Variants in ZBTB44 observed in about 807,000 individuals in gnomAD.
ZBTB44 encodes the protein zinc finger and BTB domain-containing protein 44.
In ZBTB44, 15 loss-of-function variants were observed where a neutral mutation model predicts 54.0. That is an observed-to-expected ratio of 0.28 (90% CI 0.19 to 0.43). The LOEUF (loss-of-function observed/expected upper bound fraction) is 0.43. Among genes scored for constraint, ZBTB44 ranks in the 20% least tolerant of loss-of-function variants. The pLI is 1.00. For synonymous variants in ZBTB44, 230 were observed against 250.1 expected (o/e 0.92, Z 0.76); for missense variants, 487 against 707.1 (o/e 0.69, Z 3.53).
At chr11:130,241,208 G>GA (rs1954348620) in intron 2 of ZBTB44, among the ~76,000 whole-genome samples, 1 of 152,196 alleles carries the variant, frequency 6.6e-6, no homozygotes, top group Non-Finnish European at 1.5e-5. Flanking sequence ...AAAGACTTAG[G>GA]AATGGAGGTG....
chr11:130,310,735 G>GT (rs941400825), intron 1 of ZBTB44, among the ~76,000 whole-genome samples: 23 of 151,286 alleles, frequency 1.5e-4, no homozygotes, highest in East Asian at 7.8e-4. Context: ...TCCAAATATA[G>GT]TTTTTTTTTG....
rs752709987 is a variant in ZBTB44, at chr11:130,260,944, A to T, written c.930T>A (p.Ser310=). 1 of 1,614,012 alleles carries T rather than the reference A, an allele frequency of 6.2e-7. No homozygotes were observed. The highest frequency in any genetic ancestry group is 1.1e-5 in the South Asian group (1 of 91,084). The change falls in exon 2 of 8, where the codon TCT becomes TCA. Residue 310 remains serine, a synonymous_variant. Coordinates refer to ENST00000357899, the MANE Select transcript of ZBTB44 (RefSeq NM_001301098.2). ...TCTGCTGATCACTCAGCGAACTCTGAGATGCACTGACAGGCTGGGACACTT... is the reference window on the plus strand; with the variant it reads ...TCTGCTGATCACTCAGCGAACTCTGTGATGCACTGACAGGCTGGGACACTT... ...HEEVSQPVSA[S]QSSLSDQQTV...
intron 2 of ZBTB44, among the ~76,000 whole-genome samples, chr11:130,240,379 ACC>A (rs1565645789): frequency 2.0e-5 from 3 of 152,096 alleles, no homozygotes; most frequent in Non-Finnish European, 4.4e-5. Flanking sequence ...TTAAAGAAAA[ACC>A]ACATGTAAGA....
At chr11:130,296,453 C>A (rs1277382802) in intron 1 of ZBTB44, 2 of 1,219,792 alleles carry the variant, frequency 1.6e-6, no homozygotes, top group Non-Finnish European at 2.3e-6. Flanking sequence ...CCACATTCTT[C>A]CAGTTCTGCA....
At chr11:130,307,386 C>T (rs1053192099) in intron 1 of ZBTB44, among the ~76,000 whole-genome samples, 2 of 149,700 alleles carry the variant, frequency 1.3e-5, no homozygotes, top group Non-Finnish European at 2.9e-5. Flanking sequence ...GATCGTGCCA[C>T]TGCACTCCAG....
chr11:130,296,456 G>A (rs1592059185), intron 1 of ZBTB44: 25 of 1,195,278 alleles, frequency 2.1e-5, no homozygotes, highest in Non-Finnish European at 2.7e-5. Context: ...CATTCTTCCA[G>A]TTCTGCAACA....
intron 1 of ZBTB44, among the ~76,000 whole-genome samples, chr11:130,267,182 T>C (rs1005987516): frequency 6.6e-6 from 1 of 151,964 alleles, no homozygotes; most frequent in Non-Finnish European, 1.5e-5. Flanking sequence ...GAGGACTGCA[T>C]GAGCTTGGGA....
intron 1 of ZBTB44, among the ~76,000 whole-genome samples, chr11:130,275,942 A>G (rs1940032700): frequency 6.7e-6 from 1 of 149,726 alleles, no homozygotes; most frequent in South Asian, 2.3e-4. Context: ...ATTAAAATCT[A>G]TTGGCCAGGT....
chr11:130,234,358 A>C (rs12789105), intron 5 of ZBTB44, 85 bp from the exon 6 acceptor site: 117,813 of 1,328,156 alleles, frequency 0.089, 5,868 homozygotes, highest in Non-Finnish European at 0.1. Context: ...TGATTTATAC[A>C]ACAAAATTGG....
intron 2 of ZBTB44, among the ~76,000 whole-genome samples, chr11:130,259,706 GA>G (rs1938712631): frequency 6.8e-6 from 1 of 146,096 alleles, no homozygotes; most frequent in Non-Finnish European, 1.5e-5. Context: ...CACAAGAACA[GA>G]AAACCAAACA....
chr11:130,245,110 ATG>A (rs1477675496), intron 2 of ZBTB44, among the ~76,000 whole-genome samples: 9 of 152,288 alleles, frequency 5.9e-5, no homozygotes, highest in Non-Finnish European at 1.3e-4. Flanking sequence ...ACGCAGGACT[ATG>A]TGTGTTTACA....
intron 1 of ZBTB44, among the ~76,000 whole-genome samples, chr11:130,276,633 C>T (rs778684120): frequency 1.3e-5 from 2 of 151,898 alleles, no homozygotes; most frequent in African/African-American, 4.8e-5. Context: ...TAGGGTTTTA[C>T]CATGATGGCC....
At chr11:130,258,542 T>TA (rs1231340609) in intron 2 of ZBTB44, among the ~76,000 whole-genome samples, 3 of 152,364 alleles carry the variant, frequency 2.0e-5, no homozygotes, top group African/African-American at 7.2e-5. Context: ...AATCCAAGCT[T>TA]ACTTGGCCTA....
At chr11:130,275,300 G>C (rs1487797909) in intron 1 of ZBTB44, among the ~76,000 whole-genome samples, 1 of 152,044 alleles carries the variant, frequency 6.6e-6, no homozygotes, top group African/African-American at 2.4e-5. Flanking sequence ...TGTTTGTAAT[G>C]TCGTATCTTC....
intron 5 of ZBTB44, 119 bp from the exon 6 acceptor site, chr11:130,234,392 C>T: frequency 1.8e-6 from 2 of 1,106,132 alleles, no homozygotes; most frequent in Non-Finnish European, 2.5e-6. Flanking sequence ...ACTAATTGTT[C>T]AGTGAAGATT....
chr11:130,229,338 A>AAC lies in ZBTB44; in HGVS notation c.*2424_*2425dup, dbSNP rs1393649101. The AAC allele has an allele frequency of 6.6e-6, 1 of 152,166 alleles. No individual in the cohort carries two copies. Among genetic ancestry groups the AAC allele is most frequent in the Non-Finnish European group, 1.5e-5 (1 of 68,016 alleles). 9.4% of individuals were successfully genotyped at this position (152,166 alleles called of 1,614,324 possible). A position where few individuals can be genotyped will look rare whatever the true frequency, so the allele number is the denominator to read the frequency against. On this transcript the variant is annotated 3_prime_UTR_variant, in exon 8 of 8. Coordinates refer to ENST00000357899, the MANE Select transcript of ZBTB44 (RefSeq NM_001301098.2). The stretch of plus-strand genomic sequence containing the variant: ...TTCATCCCATAACTGACACAGGCTT[A>AAC]ACCCCCCATAAATATTACAACATCT...
rs544049538 is a variant in ZBTB44, at chr11:130,233,631, G to A, written c.1687-249C>T. Reference sequence around the variant, plus strand: ...AGCTGTTTAGTAATTAGTTTCTCATGTACCCTCTTGTCTCAAGAAGGTCAA... The same window carrying A: ...AGCTGTTTAGTAATTAGTTTCTCATATACCCTCTTGTCTCAAGAAGGTCAA... On this transcript the variant is annotated intron_variant, in intron 6 of 7. Transcript: ENST00000357899. The A allele has an allele frequency of 3.2e-5, 41 of 1,263,152 alleles. No individual in the cohort carries two copies. In the African/African-American group the frequency reaches 5.6e-4, roughly 17 times the overall value. The allele number at this position is 1,263,152 out of a possible 1,614,324, so 78.2% of individuals were successfully genotyped here. A position where few individuals can be genotyped will look rare whatever the true frequency, so the allele number is the denominator to read the frequency against.
At chr11:130,265,540 G>A (rs779152520) in intron 1 of ZBTB44, among the ~76,000 whole-genome samples, 1 of 152,178 alleles carries the variant, frequency 6.6e-6, no homozygotes, top group Non-Finnish European at 1.5e-5. Flanking sequence ...CATGTTGAGA[G>A]CTGAGAGAGC....
intron 1 of ZBTB44, among the ~76,000 whole-genome samples, chr11:130,262,953 C>T (rs1444409804): frequency 6.6e-6 from 1 of 152,242 alleles, no homozygotes; most frequent in Admixed American, 6.5e-5. Flanking sequence ...CCCAGCTATT[C>T]GGGACGCTGA....
Sources: allele counts gnomAD v4.1 joint callset (sites outside exome capture counted in the v4.1 genomes callset), GRCh38; gene constraint gnomAD v4.1.1; transcripts MANE v1.5; gene names NCBI Gene and HGNC (gene_info 2026-07-23, HGNC 2026-07-21).